The following KMT2A variants were observed in gnomAD, a reference collection of about 807,000 sequenced individuals.
KMT2A encodes histone-lysine N-methyltransferase 2A.
KMT2A carries 16 observed loss-of-function variants against 345.3 expected under a neutral mutation model. That is an observed-to-expected ratio of 0.05 (90% CI 0.03 to 0.07). The LOEUF is 0.07. KMT2A is among the 10% of genes least tolerant of loss of function. The pLI, the probability that KMT2A is intolerant of heterozygous loss-of-function variation, is 1.00. For missense variants in KMT2A, 3,272 were observed against 4,841.6 expected (o/e 0.68, Z 9.62); for synonymous variants, 1,599 against 1,778.6 (o/e 0.90, Z 2.54).
In KMT2A at chr11:118,472,888, A is replaced by T. The variant is rs782733922; in HGVS notation, c.1729A>T (p.Ser577Cys). ...ACCGCCACCACTGCAGCCAGCCTCC[A>T]GTATCTCTGACCACACACCTTGGCT... Reference protein sequence around the residue: ...TPPPPLQPASSISDHTPWLMP... With the variant: ...TPPPPLQPASCISDHTPWLMP... Residue 577 changes from serine to cysteine, a missense_variant, in exon 3 of 36, where the codon AGT becomes TGT. By Grantham distance (112) the Ser-to-Cys change is moderately radical. Coordinates refer to ENST00000534358, the MANE Select transcript of KMT2A (RefSeq NM_001197104.2). 15 of 1,613,856 alleles carry T rather than the reference A, an allele frequency of 9.3e-6. No individual in the cohort carries two copies. Among genetic ancestry groups the T allele is most frequent in the African/African-American group, 1.3e-5 (1 of 74,846 alleles).
At chr11:118,443,051 T>A (rs1555026270) in intron 1 of KMT2A, among the ~76,000 whole-genome samples, 1 of 152,206 alleles carries the variant, frequency 6.6e-6, no homozygotes, top group East Asian at 1.9e-4. Flanking sequence ...GTACAGGATC[T>A]TTTATGGCAT....
At chr11:118,509,887 A>T in intron 29 of KMT2A, 61 bp from the exon 30 acceptor site, 2 of 1,239,218 alleles carry the variant, frequency 1.6e-6, no homozygotes, top group South Asian at 2.8e-5. Context: ...AGTACTCTAC[A>T]TGTAGTCAGT....
At position 118,502,498 on chromosome 11, in the gene KMT2A, C is replaced by G. The variant is rs782185843; in HGVS notation, c.6606C>G (p.Ser2202=). ...SIGSRRHSTS[S]LSPQRSKLRI... Reference sequence around the variant, plus strand: ...GCTCCAGGCGTCACAGTACCTCTTCCTTATCACCCCAGCGGTCCAAACTCC... The same window carrying G: ...GCTCCAGGCGTCACAGTACCTCTTCGTTATCACCCCAGCGGTCCAAACTCC... Residue 2202 remains serine (S), a synonymous_variant, in exon 27 of 36, where the codon TCC becomes TCG. Coordinates refer to ENST00000534358, the MANE Select transcript of KMT2A (RefSeq NM_001197104.2). The surrounding 1 kb of genome is among the most constrained non-coding windows in gnomAD (Gnocchi z 4.9). The G allele has an allele frequency of 2.5e-6, 4 of 1,613,960 alleles. No individual in the cohort carries two copies. The highest frequency in any genetic ancestry group is 3.4e-6 in the Non-Finnish European group (4 of 1,180,004).
chr11:118,453,447 T>G (rs141783388), intron 1 of KMT2A, among the ~76,000 whole-genome samples: 176 of 152,258 alleles, frequency 1.2e-3, no homozygotes, highest in Admixed American at 3.6e-3. Context: ...TCTTAACTCA[T>G]TGGCTGTTAA....
In KMT2A at chr11:118,491,747, A is replaced by G. The variant is rs1555042526; in HGVS notation, c.4823A>G (p.Glu1608Gly). Residue 1608 changes from glutamate to glycine, a missense_variant, in exon 15 of 36, where the codon GAG becomes GGG. Coordinates refer to ENST00000534358, the MANE Select transcript of KMT2A (RefSeq NM_001197104.2). This position sits in a 1 kb window ranked among gnomAD's most constrained non-coding sequence, Gnocchi z 4.2. ...TGGTAGGTTTTTGTTTTCTTAGATGAGATGTATGAGATTCTATCTAATCTG... is the reference window on the plus strand; with the variant it reads ...TGGTAGGTTTTTGTTTTCTTAGATGGGATGTATGAGATTCTATCTAATCTG... The part of the protein sequence containing the change: ...KCENLSGTED[E>G]MYEILSNLPE... 6.3e-7 allele frequency: 1 copy of G among 1,593,042 alleles called. No homozygotes were observed. The highest frequency in any genetic ancestry group is 1.1e-5 in the South Asian group (1 of 87,910).
At chr11:118,460,481 G>T (rs1287406837) in intron 1 of KMT2A, among the ~76,000 whole-genome samples, 3 of 151,888 alleles carry the variant, frequency 2.0e-5, no homozygotes, top group Admixed American at 1.3e-4. Context: ...GGAGATGGGG[G>T]TCTCACCATG....
intron 1 of KMT2A, among the ~76,000 whole-genome samples, chr11:118,442,228 C>T (rs1555026023): frequency 1.3e-5 from 2 of 152,252 alleles, no homozygotes; most frequent in South Asian, 4.1e-4. Flanking sequence ...TGGCATAGAC[C>T]TTTGAGAAGG....
rs2134391417 is a variant in KMT2A at position 118,503,249 on chromosome 11, G to A, written c.7357G>A (p.Gly2453Ser). 1 of 1,614,066 alleles carries A rather than the reference G, an allele frequency of 6.2e-7. No individual in the cohort carries two copies. The highest frequency in any genetic ancestry group is 8.5e-7 in the Non-Finnish European group (1 of 1,180,000). The change falls in exon 27 of 36, where the codon GGT (glycine) becomes AGT (serine). Residue 2453 changes from glycine (G) to serine (S), a missense_variant. Transcript: ENST00000534358. The surrounding 1 kb of genome is among the most constrained non-coding windows in gnomAD (Gnocchi z 5.3). Reference protein sequence around the residue: ...KHSSKSFLEPGQVTTGEEGNL... With the variant: ...KHSSKSFLEPSQVTTGEEGNL... ...TTCCAGTAAATCTTTTTTGGAACCT[G>A]GTCAGGTGACAACTGGTGAGGAAGG...
In KMT2A at chr11:118,501,929, A is replaced by G. The variant is rs919949303; in HGVS notation, c.6505+72A>G. On this transcript the variant is annotated intron_variant, in intron 26 of 35. Transcript: ENST00000534358. ...GACTAATTTGTAATTCTTTCAGGCA[A>G]CTTTATCTTGGTGACTTTTACTGAT... 47 of 1,293,754 alleles carry G rather than the reference A, an allele frequency of 3.6e-5. No homozygotes were observed. In the African/African-American group the frequency reaches 3.9e-4, roughly 11 times the overall value. 80.1% of individuals were successfully genotyped at this position (1,293,754 alleles called of 1,614,324 possible). A position where few individuals can be genotyped will look rare whatever the true frequency, so the allele number is the denominator to read the frequency against.
intron 15 of KMT2A, 134 bp downstream of exon 15, chr11:118,492,062 T>A (rs1950332306): frequency 1.5e-6 from 1 of 648,472 alleles, no homozygotes. Context: ...AGGAAAATAT[T>A]TAGAGCCAAG....
chr11:118,451,527 A>G (rs1267965248), intron 1 of KMT2A, among the ~76,000 whole-genome samples: 1 of 152,298 alleles, frequency 6.6e-6, no homozygotes. Context: ...AGCTGAGACT[A>G]CAGGCACATG....
chr11:118,477,874 T>C (rs1950067511), intron 4 of KMT2A, 93 bp from the exon 5 acceptor site: 1 of 800,198 alleles, frequency 1.2e-6, no homozygotes, highest in Non-Finnish European at 2.1e-6. Flanking sequence ...TATATAAATA[T>C]TTTATTTTAA....
In KMT2A at chr11:118,476,788, G is replaced by T. The variant is rs2134282047; in HGVS notation, c.3157-17G>T. On this transcript the variant is annotated splice_polypyrimidine_tract_variant and intron_variant, in intron 3 of 35. Coordinates refer to ENST00000534358, the MANE Select transcript of KMT2A (RefSeq NM_001197104.2). This position sits in a 1 kb window ranked among gnomAD's most constrained non-coding sequence, Gnocchi z 4.1. ...ACATGTATGGTTGTTATTGTTTTTG[G>T]ATTGCCTCATATTCAGGGTCAAGAA... 6.3e-7 allele frequency: 1 copy of T among 1,588,602 alleles called. No individual in the cohort carries two copies. The highest frequency in any genetic ancestry group is 8.6e-7 in the Non-Finnish European group (1 of 1,163,332).
rs1591374109 is a variant in KMT2A, at chr11:118,472,217, G to A, written c.1058G>A (p.Arg353Gln). ...AAGACAGTTGTCAGACAAAGCCCTC[G>A]AAGGATTAAGCCAGTTAGGATTATT... ...EDKTVVRQSP[R>Q]RIKPVRIIPS... Residue 353 changes from arginine (R) to glutamine (Q), a missense_variant, in exon 3 of 36, where the codon CGA becomes CAA. Physicochemically the swap from Arg to Gln is conservative, Grantham distance 43. Transcript: ENST00000534358. The A allele has an allele frequency of 1.2e-6, 2 of 1,613,856 alleles. No homozygotes were observed. Among genetic ancestry groups the A allele is most frequent in the African/African-American group, 2.7e-5 (2 of 74,956 alleles).
rs782533062 is a variant in KMT2A, at chr11:118,504,087, G to C, written c.8195G>C (p.Ser2732Thr). The change falls in exon 27 of 36, where the codon AGT becomes ACT. Residue 2732 changes from serine (S) to threonine (T), a missense_variant. Physicochemically the swap from Ser to Thr is moderately conservative, Grantham distance 58 (BLOSUM62 1). Transcript: ENST00000534358. This position sits in a 1 kb window ranked among gnomAD's most constrained non-coding sequence, Gnocchi z 6.4. Reference protein sequence around the residue: ...GVDDGTESDTSVTATTRKSSQ... With the variant: ...GVDDGTESDTTVTATTRKSSQ... The stretch of plus-strand genomic sequence containing the variant: ...GATGATGGGACAGAGAGTGATACTA[G>C]TGTCACAGCCACAACAAGGAAAAGC... 3 of 1,614,152 alleles carry C rather than the reference G, an allele frequency of 1.9e-6. No homozygotes were observed. Among genetic ancestry groups the C allele is most frequent in the Admixed American group, 1.7e-5 (1 of 60,022 alleles).
At chr11:118,514,534 A>G (rs112508300) in intron 31 of KMT2A, among the ~76,000 whole-genome samples, 4,851 of 150,884 alleles carry the variant, frequency 0.032, 127 homozygotes, top group Non-Finnish European at 0.045. Flanking sequence ...TCCATCTCCC[A>G]GGTTCAGGTG....
chr11:118,481,059 A>C (rs144409818), intron 6 of KMT2A, among the ~76,000 whole-genome samples: 1 of 152,282 alleles, frequency 6.6e-6, no homozygotes, highest in African/African-American at 2.4e-5. Context: ...TGGGATGTCC[A>C]TTACCTCAAG....
chr11:118,494,561 C>G lies in KMT2A; in HGVS notation c.5290-133C>G. On this transcript the variant is annotated intron_variant, in intron 17 of 35. Transcript: ENST00000534358. This position sits in a 1 kb window ranked among gnomAD's most constrained non-coding sequence, Gnocchi z 5.8. Reference sequence around the variant, plus strand: ...CTTTGAGAGGAACTTGGTGAGGTTGCCAGAGTGGATGGATCTTTCTCTTGG... The same window carrying G: ...CTTTGAGAGGAACTTGGTGAGGTTGGCAGAGTGGATGGATCTTTCTCTTGG... The G allele has an allele frequency of 1.1e-6, 1 of 893,714 alleles. No individual in the cohort carries two copies. Among genetic ancestry groups the G allele is most frequent in the Non-Finnish European group, 1.7e-6 (1 of 572,186 alleles). 55.4% of individuals were successfully genotyped at this position (893,714 alleles called of 1,614,324 possible).
intron 32 of KMT2A, 71 bp downstream of exon 32, chr11:118,519,863 C>G: frequency 6.4e-7 from 1 of 1,564,356 alleles, no homozygotes; most frequent in Admixed American, 1.7e-5. Context: ...GTCATCTTCC[C>G]ACATACCCTT....
Sources: gnomAD v4.1 joint callset for allele counts (sites outside exome capture counted in the v4.1 genomes callset) on GRCh38, gnomAD v4.1.1 for gene constraint, Gnocchi (gnomAD v3.1) non-coding constraint, MANE v1.5 for transcripts, NCBI Gene and HGNC (gene_info 2026-07-23, HGNC 2026-07-21) for gene names.